RHPN2: variants seen among roughly 807,000 people sequenced by gnomAD.
The protein encoded by RHPN2 is rhophilin-2.
A neutral mutation model predicts 79.0 loss-of-function variants in RHPN2; 40 were observed. The ratio of observed to expected loss-of-function variants is 0.51; its 90% CI spans 0.39 to 0.66. The LOEUF (loss-of-function observed/expected upper bound fraction) is 0.66, where lower values mean the gene tolerates loss of function less well. RHPN2 is among the 30% of genes least tolerant of loss of function. The pLI, the probability that RHPN2 is intolerant of heterozygous loss-of-function variation, is 0.00. For synonymous variants in RHPN2, 285 were observed against 363.5 expected (o/e 0.78, Z 2.46); for missense variants, 686 against 883.5 (o/e 0.78, Z 2.83).
chr19:32,993,136 T>G (rs1367316619), intron 12 of RHPN2, among the ~76,000 whole-genome samples: 1 of 151,378 alleles, frequency 6.6e-6, no homozygotes, highest in Non-Finnish European at 1.5e-5. Context: ...CTAAAAAATA[T>G]TTTTAAAAAA....
In RHPN2 at chr19:32,980,165, G is replaced by C. The variant is rs1412416400; in HGVS notation, c.1892C>G (p.Thr631Ser). Residue 631 changes from threonine to serine, a missense_variant, in exon 15 of 15, where the codon ACC becomes AGC. Thr to Ser is a moderately conservative substitution (Grantham distance 58). Transcript: ENST00000254260. The part of the protein sequence containing the change: ...AIDDDDKTDK[T>S]KKISKKLSFL... The stretch of plus-strand genomic sequence containing the variant: ...GGAAAGCTTCTTGGAGATTTTCTTG[G>C]TTTTATCAGTTTTGTCGTCATCATC... 1.9e-6 allele frequency: 3 copies of C among 1,613,802 alleles called. No homozygotes were observed. The highest frequency in any genetic ancestry group is 2.5e-6 in the Non-Finnish European group (3 of 1,179,874).
At chr19:33,017,811 A>C (rs1971890504) in intron 4 of RHPN2, among the ~76,000 whole-genome samples, 1 of 151,666 alleles carries the variant, frequency 6.6e-6, no homozygotes, top group African/African-American at 2.4e-5. Flanking sequence ...ACCTGAGGTC[A>C]GGAGTTCGAG....
At chr19:33,011,446 C>T (rs1971834505) in intron 6 of RHPN2, among the ~76,000 whole-genome samples, 1 of 152,182 alleles carries the variant, frequency 6.6e-6, no homozygotes. Flanking sequence ...CCTTGGCTCG[C>T]TTGTTCTGAG....
chr19:33,064,854 C>T lies in RHPN2; in HGVS notation c.-2G>A, dbSNP rs550390815. 1,037 of 1,496,902 alleles carry T rather than the reference C, an allele frequency of 6.9e-4. 13 individuals carry two copies. In the South Asian group the frequency reaches 0.012, roughly 17 times the overall value. The allele number at this position is 1,496,902 out of a possible 1,614,324, so 92.7% of individuals were successfully genotyped here. On this transcript the variant is annotated 5_prime_UTR_variant, in exon 1 of 15. Coordinates refer to ENST00000254260, the MANE Select transcript of RHPN2 (RefSeq NM_033103.5). ...CGCGGGCAACAGCGCGTCGGTCATGCTAGCGGCGCGGGCGCGGAGGGCGGA... is the reference window on the plus strand; with the variant it reads ...CGCGGGCAACAGCGCGTCGGTCATGTTAGCGGCGCGGGCGCGGAGGGCGGA...
At chr19:33,031,912 G>T (rs903096910) in intron 2 of RHPN2, among the ~76,000 whole-genome samples, 4 of 151,140 alleles carry the variant, frequency 2.6e-5, no homozygotes, top group Non-Finnish European at 4.4e-5. Context: ...GTAGAGAGGG[G>T]TTTCACCATG....
At chr19:32,992,123 G>A in intron 12 of RHPN2, 154 bp from the exon 13 acceptor site, 1 of 740,202 alleles carries the variant, frequency 1.4e-6, no homozygotes, top group Non-Finnish European at 2.4e-6. Context: ...CAGCAGTCAT[G>A]CGAGAACCTG....
In RHPN2 at chr19:32,991,984, A is replaced by G. The variant is rs770410208; in HGVS notation, c.1498-15T>C. 5 of 1,613,726 alleles carry G rather than the reference A, an allele frequency of 3.1e-6. No homozygotes were observed. In the Admixed American group the frequency reaches 5.0e-5, roughly 16 times the overall value. ...GATAAGGGGCCCTTTGGAAGAGAGC[A>G]TCGTTAGGTGTAGGATTTGAAGGCT... On this transcript the variant is annotated splice_polypyrimidine_tract_variant and intron_variant, in intron 12 of 14. Transcript: ENST00000254260.
intron 9 of RHPN2, among the ~76,000 whole-genome samples, chr19:33,001,493 G>C (rs1226659862): frequency 6.6e-6 from 1 of 151,956 alleles, no homozygotes; most frequent in Non-Finnish European, 1.5e-5. Context: ...AGTGAGCCAT[G>C]ATCATACCAC....
intron 7 of RHPN2, among the ~76,000 whole-genome samples, chr19:33,003,317 T>G (rs1599813734): frequency 8.6e-6 from 1 of 116,128 alleles, no homozygotes; most frequent in Non-Finnish European, 1.6e-5. Flanking sequence ...GAGATCTCAC[T>G]ACTGCACTCC....
rs1438952952 is a variant in RHPN2, at chr19:33,011,745, A to G, written c.527T>C (p.Ile176Thr). 1 of 1,613,934 alleles carries G rather than the reference A, an allele frequency of 6.2e-7. No individual in the cohort carries two copies. Among genetic ancestry groups the G allele is most frequent in the Non-Finnish European group, 8.5e-7 (1 of 1,179,862 alleles). Reference protein sequence around the residue: ...AGVELLMTYFIQLGFVESRFF... With the variant: ...AGVELLMTYFTQLGFVESRFF... Reference sequence around the variant, plus strand: ...TCGACTCTCGACAAAGCCCAGCTGGATGAAGTATGTCATCAGCAGTTCCAC... The same window carrying G: ...TCGACTCTCGACAAAGCCCAGCTGGGTGAAGTATGTCATCAGCAGTTCCAC... The change falls in exon 6 of 15, where the codon ATC becomes ACC. Residue 176 changes from isoleucine (I) to threonine (T), a missense_variant. Ile to Thr is a moderately conservative substitution (Grantham distance 89, BLOSUM62 -1). Transcript: ENST00000254260.
At chr19:33,003,039 A>G (rs1971762577) in intron 7 of RHPN2, 39 bp from the exon 8 acceptor site, 3 of 1,584,270 alleles carry the variant, frequency 1.9e-6, no homozygotes, top group Non-Finnish European at 2.6e-6. Context: ...GTTCGGGTTC[A>G]TATTTACTTC....
intron 6 of RHPN2, among the ~76,000 whole-genome samples, chr19:33,010,521 T>C (rs1971827249): frequency 6.6e-6 from 1 of 151,632 alleles, no homozygotes; most frequent in Non-Finnish European, 1.5e-5. Flanking sequence ...TAGCTGCGAC[T>C]ACAAGGCACG....
chr19:33,021,854 G>A (rs1421551403), intron 3 of RHPN2, among the ~76,000 whole-genome samples: 1 of 152,108 alleles, frequency 6.6e-6, no homozygotes, highest in Admixed American at 6.6e-5. Context: ...CCCTAAGACT[G>A]CTGGACCACC....
At chr19:33,014,895 A>T (rs1369546104) in intron 4 of RHPN2, among the ~76,000 whole-genome samples, 1 of 152,144 alleles carries the variant, frequency 6.6e-6, no homozygotes, top group African/African-American at 2.4e-5. Flanking sequence ...GTTTGAGACC[A>T]GCATGGACAA....
intron 10 of RHPN2, among the ~76,000 whole-genome samples, chr19:32,998,398 T>A (rs1454489191): frequency 6.6e-6 from 1 of 152,066 alleles, no homozygotes; most frequent in Non-Finnish European, 1.5e-5. Flanking sequence ...AACCCAGCAC[T>A]TTGGGAGACA....
intron 6 of RHPN2, 70 bp from the exon 7 acceptor site, chr19:33,008,250 CT>C (rs71340517): frequency 0.22 from 221,686 of 1,030,358 alleles, 1 homozygote; most frequent in East Asian, 0.24. Context: ...GGAAAAAATT[CT>C]TTTTTTTTTT....
intron 1 of RHPN2, among the ~76,000 whole-genome samples, chr19:33,062,503 C>T (rs182226754): frequency 1.3e-5 from 2 of 149,570 alleles, no homozygotes; most frequent in East Asian, 3.9e-4. Flanking sequence ...GGCGCAGTGG[C>T]TTACACCTGT....
intron 2 of RHPN2, among the ~76,000 whole-genome samples, chr19:33,031,908 A>AG (rs948525155): frequency 1.8e-4 from 27 of 149,412 alleles, no homozygotes; most frequent in Admixed American, 1.5e-3. Context: ...TTTAGTAGAG[A>AG]GGGGTTTCAC....
At chr19:33,011,555 T>C in intron 6 of RHPN2, 124 bp downstream of exon 6, 1 of 1,173,308 alleles carries the variant, frequency 8.5e-7, no homozygotes, top group Admixed American at 1.8e-5. Context: ...CCCAGATAAA[T>C]GCAAGATAGG....
Sources: allele counts gnomAD v4.1 joint callset (sites outside exome capture counted in the v4.1 genomes callset), GRCh38; gene constraint gnomAD v4.1.1; transcripts MANE v1.5; gene names NCBI Gene and HGNC (gene_info 2026-07-23, HGNC 2026-07-21).